The following KMT2B variants were observed in gnomAD, a reference collection of about 807,000 sequenced individuals.
KMT2B encodes histone-lysine N-methyltransferase 2B.
Under a neutral mutation model 255.3 loss-of-function variants are expected in KMT2B, and 22 were observed. The ratio of observed to expected loss-of-function variants is 0.09; its 90% CI spans 0.06 to 0.12. The LOEUF is 0.12. Ranked by LOEUF, KMT2B falls within the 10% of genes least tolerant of loss-of-function variation. KMT2B has a pLI of 1.00. For synonymous variants in KMT2B, 1,730 were observed against 1,498.1 expected, an observed-to-expected ratio of 1.15 and a Z score of -3.57; for missense variants, 3,149 against 3,737.0, an observed-to-expected ratio of 0.84 and a Z score of 4.10.
At chr19:35,729,490 T>C (rs1969605891) in intron 22 of KMT2B, among the ~76,000 whole-genome samples, 194 bp downstream of exon 22, 1 of 152,194 alleles carries the variant, frequency 6.6e-6, no homozygotes, top group Non-Finnish European at 1.5e-5. Context: ...AATCTGGGCC[T>C]GAAGTGTGGG....
rs765832571 is a variant in KMT2B, at chr19:35,730,300, C to T, written c.5077-42C>T. ...TCAGACTTCCCTGGCATCCACCTCC[C>T]CCACCAATGCAGCCACCTCACTTTG... is the stretch of plus-strand genomic sequence containing the variant. On this transcript the variant is annotated intron_variant, in intron 23 of 36. Transcript: ENST00000420124. 5.0e-6 allele frequency: 8 copies of T among 1,607,234 alleles called. No individual in the cohort carries two copies. In the South Asian group the frequency reaches 7.7e-5, roughly 15 times the overall value.
At position 35,732,834 on chromosome 19, in the gene KMT2B, C is replaced by T; in HGVS notation, c.6285C>T (p.Val2095=). The part of the protein sequence containing the change: ...PSGPGVVRAG[V]LGAAGDRARP... ...GGCCAGGAGTAGTCCGGGCAGGGGT[C>T]CTTGGGGCTGCAGGGGACAGGGCCC... The change falls in exon 28 of 37, where the codon GTC becomes GTT. Residue 2095 remains valine (V), a synonymous_variant. Coordinates refer to ENST00000420124, the MANE Select transcript of KMT2B (RefSeq NM_014727.3). 6.2e-7 allele frequency: 1 copy of T among 1,608,002 alleles called. No individual in the cohort carries two copies. Among genetic ancestry groups the T allele is most frequent in the Non-Finnish European group, 8.5e-7 (1 of 1,177,894 alleles).
At position 35,720,499 on chromosome 19, in the gene KMT2B, A is replaced by G. The variant is rs377219321; in HGVS notation, c.1152A>G (p.Arg384=). 8.4e-6 allele frequency: 13 copies of G among 1,551,424 alleles called. No individual in the cohort carries two copies. The African/African-American group carries it at 9.6e-5, about 11-fold the overall frequency. The part of the protein sequence containing the change: ...KDKEGEEKEE[R]AVAEEMMPAA... ...AGGAGGGAGAAGAGAAGGAAGAAAG[A>G]GCTGTAGCTGAGGAGATGATGCCAG... The change falls in exon 3 of 37, where the codon AGA becomes AGG. Residue 384 remains arginine (R), a synonymous_variant. Coordinates refer to ENST00000420124, the MANE Select transcript of KMT2B (RefSeq NM_014727.3).
chr19:35,728,855 A>C lies in KMT2B; in HGVS notation c.4653A>C (p.Pro1551=). 6.2e-7 allele frequency: 1 copy of C among 1,613,950 alleles called. No individual in the cohort carries two copies. The highest frequency in any genetic ancestry group is 2.2e-5 in the East Asian group (1 of 44,868). The stretch of plus-strand genomic sequence containing the variant: ...GGAGACAGCAGGAACCAGAGACCCC[A>C]GAATCAGGGCAGCCTCCAGGGGATC... ...AQWRQQEPET[P]ESGQPPGDPS... The change falls in exon 20 of 37, where the codon CCA becomes CCC. Residue 1551 remains proline, a synonymous_variant. Coordinates refer to ENST00000420124, the MANE Select transcript of KMT2B (RefSeq NM_014727.3).
chr19:35,738,267 A>C lies in KMT2B; in HGVS notation c.7873-15A>C. The stretch of plus-strand genomic sequence containing the variant: ...CGGGGACAGAGCACCTGATCTCCCC[A>C]CCTCATCCCTGCAGGGCATCGGGTG... On this transcript the variant is annotated splice_polypyrimidine_tract_variant and intron_variant, in intron 36 of 36. Transcript: ENST00000420124. The surrounding 1 kb of genome is among the most constrained non-coding windows in gnomAD (Gnocchi z 8.7). 1.2e-6 allele frequency: 2 copies of C among 1,613,192 alleles called. No homozygotes were observed. The highest frequency in any genetic ancestry group is 1.7e-6 in the Non-Finnish European group (2 of 1,179,380).
In KMT2B at chr19:35,727,829, G is replaced by C. The variant is rs747862819; in HGVS notation, c.4392+42G>C. The C allele has an allele frequency of 1.5e-5, 25 of 1,613,208 alleles. No individual in the cohort carries two copies. Among genetic ancestry groups the C allele is most frequent in the Non-Finnish European group, 1.0e-5 (12 of 1,179,410 alleles). On this transcript the variant is annotated intron_variant, in intron 17 of 36. Coordinates refer to ENST00000420124, the MANE Select transcript of KMT2B (RefSeq NM_014727.3). This position sits in a 1 kb window ranked among gnomAD's most constrained non-coding sequence, Gnocchi z 4.2. ...GAGGAGCAGGTGGGTGGCAGGAGGAGAGGGCTGGAATTGTGCAGAGGGGAC... is the reference window on the plus strand; with the variant it reads ...GAGGAGCAGGTGGGTGGCAGGAGGACAGGGCTGGAATTGTGCAGAGGGGAC...
At position 35,727,835 on chromosome 19, in the gene KMT2B, TG is replaced by T. The variant is rs1213490747; in HGVS notation, c.4393-44del. 1.9e-6 allele frequency: 3 copies of T among 1,613,090 alleles called. No homozygotes were observed. In the South Asian group the frequency reaches 3.3e-5, roughly 18 times the overall value. ...CAGGTGGGTGGCAGGAGGAGAGGGC[TG>T]GAATTGTGCAGAGGGGACTCAGTCT... On this transcript the variant is annotated intron_variant, in intron 17 of 36. Coordinates refer to ENST00000420124, the MANE Select transcript of KMT2B (RefSeq NM_014727.3). The surrounding 1 kb of genome is among the most constrained non-coding windows in gnomAD (Gnocchi z 4.2).
At chr19:35,722,334 C>A in intron 3 of KMT2B, 25 bp from the exon 4 acceptor site, 3 of 1,585,700 alleles carry the variant, frequency 1.9e-6, no homozygotes, top group Non-Finnish European at 2.6e-6. Flanking sequence ...CTGTCCAGCC[C>A]CTGACCCTGT....
chr19:35,729,322 G>A, intron 22 of KMT2B, 26 bp downstream of exon 22: 2 of 1,574,058 alleles, frequency 1.3e-6, no homozygotes, highest in Non-Finnish European at 1.7e-6. Flanking sequence ...CAGAGAGGTG[G>A]ACAGCTCTCT....
Position 35,732,816 on chromosome 19 carries a change from A to C in KMT2B, c.6267A>C (p.Gly2089=). The C allele has an allele frequency of 3.1e-6, 5 of 1,606,680 alleles. No homozygotes were observed. The highest frequency in any genetic ancestry group is 4.2e-6 in the Non-Finnish European group (5 of 1,177,286). ...RGQGTPPSGP[G]VVRAGVLGAA... ...AGGGCACGCCTCCTTCGGGGCCAGGAGTAGTCCGGGCAGGGGTCCTTGGGG... is the reference window on the plus strand; with the variant it reads ...AGGGCACGCCTCCTTCGGGGCCAGGCGTAGTCCGGGCAGGGGTCCTTGGGG... The change falls in exon 28 of 37, where the codon GGA becomes GGC. Residue 2089 remains glycine (G), a synonymous_variant. Transcript: ENST00000420124.
At position 35,718,502 on chromosome 19, in the gene KMT2B, GGGCACGGAGGGAGGGC is replaced by G. The variant is rs1308360831; in HGVS notation, c.363+125_363+140del. The G allele has an allele frequency of 9.0e-7, 1 of 1,110,194 alleles. No individual in the cohort carries two copies. Among genetic ancestry groups the G allele is most frequent in the African/African-American group, 1.6e-5 (1 of 61,240 alleles). The allele number at this position is 1,110,194 out of a possible 1,614,324, so 68.8% of individuals were successfully genotyped here. A position where few individuals can be genotyped will look rare whatever the true frequency, so the allele number is the denominator to read the frequency against. On this transcript the variant is annotated intron_variant, in intron 1 of 36. Transcript: ENST00000420124. The surrounding 1 kb of genome is among the most constrained non-coding windows in gnomAD (Gnocchi z 5.0). ...TCCTCAGGGTTCCTTCGGAGAGACG[GGGCACGGAGGGAGGGC>G]GGCTGCATGCAGCTTCCGGGGGAAA...
chr19:35,732,259 C>G lies in KMT2B; in HGVS notation c.5710C>G (p.Pro1904Ala), dbSNP rs1402885350. 6.2e-6 allele frequency: 10 copies of G among 1,607,024 alleles called. No homozygotes were observed. Among genetic ancestry groups the G allele is most frequent in the East Asian group, 4.5e-5 (2 of 44,592 alleles). Residue 1904 changes from proline to alanine, a missense_variant, in exon 28 of 37, where the codon CCG (proline) becomes GCG (alanine). By Grantham distance (27) the Pro-to-Ala change is conservative. This residue lies in a region of KMT2B where 897 missense variants were observed against 825.3 expected (regional missense o/e 1.09). Coordinates refer to ENST00000420124, the MANE Select transcript of KMT2B (RefSeq NM_014727.3). ...CCACCACATCCCCACAGTGGGAGAC[C>G]CGGACTTCCCAGCTCCCCCCAGACG... is the stretch of plus-strand genomic sequence containing the variant. ...LTHHIPTVGD[P>A]DFPAPPRRSR...
rs1370214169 is a variant in KMT2B at position 35,729,216 on chromosome 19, A to G, written c.4837A>G (p.Ile1613Val). The G allele has an allele frequency of 6.2e-7, 1 of 1,611,754 alleles. No homozygotes were observed. Among genetic ancestry groups the G allele is most frequent in the Admixed American group, 1.7e-5 (1 of 59,594 alleles). ...CGAGTGGACACACGTCAACTGTGCCATCTGGTCGGCGGAAGTCTTCGAGGA... is the reference window on the plus strand; with the variant it reads ...CGAGTGGACACACGTCAACTGTGCCGTCTGGTCGGCGGAAGTCTTCGAGGA... Reference protein sequence around the residue: ...QNEWTHVNCAIWSAEVFEEND... With the variant: ...QNEWTHVNCAVWSAEVFEEND... Residue 1613 changes from isoleucine (I) to valine (V), a missense_variant, in exon 22 of 37, where the codon ATC becomes GTC. Physicochemically the swap from Ile to Val is conservative, Grantham distance 29. Around this residue, in one of 18 missense-constraint regions of KMT2B, gnomAD observed 11 missense variants for 47.6 expected, o/e 0.23. Coordinates refer to ENST00000420124, the MANE Select transcript of KMT2B (RefSeq NM_014727.3).
At position 35,719,835 on chromosome 19, in the gene KMT2B, C is replaced by T. The variant is rs370168284; in HGVS notation, c.488C>T (p.Pro163Leu). ...GRKHKTTPLP[P>L]PRLADVAPTP... is the part of the protein sequence containing the mutation. ...AAGCATAAGACGACCCCCCTTCCTC[C>T]TCCTCGCCTAGCAGATGTGGCTCCT... is the stretch of plus-strand genomic sequence containing the variant. Residue 163 changes from proline (P) to leucine (L), a missense_variant, in exon 3 of 37, where the codon CCT becomes CTT. By Grantham distance (98) the Pro-to-Leu change is moderately conservative. Around this residue, in one of 18 missense-constraint regions of KMT2B, gnomAD observed 1,188 missense variants for 1,106.4 expected, o/e 1.07. Coordinates refer to ENST00000420124, the MANE Select transcript of KMT2B (RefSeq NM_014727.3). The T allele has an allele frequency of 3.7e-6, 6 of 1,612,034 alleles. No individual in the cohort carries two copies. The highest frequency in any genetic ancestry group is 3.3e-5 in the Admixed American group (2 of 59,708).
At chr19:35,731,688 G>A (rs1177373499) in intron 26 of KMT2B, among the ~76,000 whole-genome samples, 1 of 152,174 alleles carries the variant, frequency 6.6e-6, no homozygotes, top group East Asian at 1.9e-4. Context: ...AGATGGCAAG[G>A]AGCGAGTGGG....
Position 35,720,878 on chromosome 19 carries a change from C to T in KMT2B, c.1531C>T (p.Pro511Ser), listed in dbSNP as rs759290935. The change falls in exon 3 of 37, where the codon CCC (proline) becomes TCC (serine). Residue 511 changes from proline (P) to serine (S), a missense_variant. This residue lies in a region of KMT2B where 1,188 missense variants were observed against 1,106.4 expected (regional missense o/e 1.07). Coordinates refer to ENST00000420124, the MANE Select transcript of KMT2B (RefSeq NM_014727.3). Reference sequence around the variant, plus strand: ...CACGGGAGGCCCTCCGGAAGACAGTCCCACCGTGGCCCCCAAAAGCACCAC... The same window carrying T: ...CACGGGAGGCCCTCCGGAAGACAGTTCCACCGTGGCCCCCAAAAGCACCAC... ...TATGGPPEDS[P>S]TVAPKSTTFL... 2 of 1,595,314 alleles carry T rather than the reference C, an allele frequency of 1.3e-6. No individual in the cohort carries two copies. Among genetic ancestry groups the T allele is most frequent in the African/African-American group, 2.7e-5 (2 of 74,142 alleles).
chr19:35,733,303 G>GCCC lies in KMT2B; in HGVS notation c.6756_6758dup (p.Pro2259dup). The GCCC allele has an allele frequency of 1.5e-6, 2 of 1,340,092 alleles. No individual in the cohort carries two copies. Among genetic ancestry groups the GCCC allele is most frequent in the Admixed American group, 2.0e-5 (1 of 49,284 alleles). The allele number at this position is 1,340,092 out of a possible 1,614,324, so 83.0% of individuals were successfully genotyped here. A position where few individuals can be genotyped will look rare whatever the true frequency, so the allele number is the denominator to read the frequency against. ...GCCCGTGGTCGGAGTGGTCCGCCCT[G>GCCC]CCCCGCCCCCGCCACCCCCTCCCCT... On this transcript the variant is annotated inframe_insertion, in exon 28 of 37. Transcript: ENST00000420124. This position sits in a 1 kb window ranked among gnomAD's most constrained non-coding sequence, Gnocchi z 4.3.
Position 35,722,363 on chromosome 19 carries a change from G to A in KMT2B, c.2462G>A (p.Ser821Asn), listed in dbSNP as rs767324610. Residue 821 changes from serine to asparagine, a missense_variant, in exon 4 of 37, where the codon AGC becomes AAC. Ser to Asn is a conservative substitution (Grantham distance 46, BLOSUM62 1). This residue lies in a region of KMT2B where 1,188 missense variants were observed against 1,106.4 expected (regional missense o/e 1.07). Coordinates refer to ENST00000420124, the MANE Select transcript of KMT2B (RefSeq NM_014727.3). ...QQKVAASMPL[S>N]PGGQMEEVAG... ...ACCCTGTTTATTCCCTGCCAGCTGAGCCCTGGAGGGCAGATGGAGGAGGTG... is the reference window on the plus strand; with the variant it reads ...ACCCTGTTTATTCCCTGCCAGCTGAACCCTGGAGGGCAGATGGAGGAGGTG... 6.2e-7 allele frequency: 1 copy of A among 1,608,572 alleles called. No individual in the cohort carries two copies. The highest frequency in any genetic ancestry group is 2.2e-5 in the East Asian group (1 of 44,828).
Position 35,736,744 on chromosome 19 carries a change from A to G in KMT2B, c.7214A>G (p.Gln2405Arg). Reference protein sequence around the residue: ...EPPSPDDKENQAPKRTGPHLR... With the variant: ...EPPSPDDKENRAPKRTGPHLR... ...CCATCCCCAGATGATAAAGAGAACC[A>G]GGCCCCAAAACGGACTGGCCCACAT... Residue 2405 changes from glutamine to arginine, a missense_variant, in exon 31 of 37, where the codon CAG (glutamine) becomes CGG (arginine). Coordinates refer to ENST00000420124, the MANE Select transcript of KMT2B (RefSeq NM_014727.3). 1 of 1,613,974 alleles carries G rather than the reference A, an allele frequency of 6.2e-7. No homozygotes were observed. The highest frequency in any genetic ancestry group is 8.5e-7 in the Non-Finnish European group (1 of 1,179,872).
Sources: gnomAD v4.1 joint callset for allele counts (sites outside exome capture counted in the v4.1 genomes callset) on GRCh38, gnomAD v4.1.1 for gene constraint, gnomAD v4.1.1 regional missense constraint, Gnocchi (gnomAD v3.1) non-coding constraint, MANE v1.5 for transcripts, NCBI Gene and HGNC (gene_info 2026-07-23, HGNC 2026-07-21) for gene names.